SLC36A1: variants seen among roughly 807,000 people sequenced by gnomAD.
SLC36A1 encodes the protein proton-coupled amino acid transporter 1.
Under a neutral mutation model 47.5 loss-of-function variants are expected in SLC36A1, and 30 were observed. The ratio of observed to expected loss-of-function variants is 0.63; its 90% CI spans 0.47 to 0.86. The LOEUF is 0.86. Ranked by LOEUF, SLC36A1 falls within the 40% of genes least tolerant of loss-of-function variation. SLC36A1 has a pLI of 0.00. For synonymous variants in SLC36A1, 255 were observed against 249.7 expected, an observed-to-expected ratio of 1.02 and a Z score of -0.20; for missense variants, 517 against 606.0, an observed-to-expected ratio of 0.85 and a Z score of 1.54.
the SLC36A1 span, among the ~76,000 whole-genome samples, chr5:151,394,109 C>G: frequency 6.6e-6 from 1 of 152,130 alleles, no homozygotes; most frequent in Admixed American, 6.6e-5. Flanking sequence ...TTTCCTTTTA[C>G]TCTTTTTTCT....
intron 10 of SLC36A1, among the ~76,000 whole-genome samples, chr5:151,481,680 C>T (rs1218746759): frequency 1.3e-5 from 2 of 151,836 alleles, no homozygotes; most frequent in Non-Finnish European, 2.9e-5. Flanking sequence ...TCTCACCACT[C>T]TCCCCCATCC....
intron 10 of SLC36A1, among the ~76,000 whole-genome samples, chr5:151,486,614 T>TGTG (rs1363191637): frequency 6.6e-6 from 1 of 152,232 alleles, no homozygotes; most frequent in African/African-American, 2.4e-5. Context: ...GTCTCACCAG[T>TGTG]GTGGTGCCTT....
chr5:151,531,869 C>T, the SLC36A1 span: 5 of 1,614,012 alleles, frequency 3.1e-6, no homozygotes, highest in Non-Finnish European at 4.2e-6. This position sits in a 1 kb window ranked among gnomAD's most constrained non-coding sequence, Gnocchi z 5.7. Flanking sequence ...TGGGGCCTGA[C>T]CTGCAGCGGC....
chr5:151,473,827 A>G, intron 8 of SLC36A1, 56 bp downstream of exon 8: 4 of 1,333,646 alleles, frequency 3.0e-6, no homozygotes, highest in Non-Finnish European at 4.3e-6. Context: ...GGTGTTCTCC[A>G]GGTCTGTTTC....
the SLC36A1 span, among the ~76,000 whole-genome samples, chr5:151,362,432 C>T: frequency 2.7e-5 from 4 of 150,146 alleles, no homozygotes; most frequent in Non-Finnish European, 4.4e-5. Context: ...ACTCTGCCTC[C>T]CAGGCTGGAG....
the SLC36A1 span, chr5:151,512,690 G>C: frequency 1.5e-6 from 2 of 1,301,746 alleles, no homozygotes; most frequent in Non-Finnish European, 2.1e-6. This position sits in a 1 kb window ranked among gnomAD's most constrained non-coding sequence, Gnocchi z 4.1. Flanking sequence ...AAAGAATGTT[G>C]TTTGTATTTT....
At chr5:151,414,870 C>T in the SLC36A1 span, 1 of 152,212 alleles carries the variant, frequency 6.6e-6, no homozygotes, top group Non-Finnish European at 1.5e-5. Flanking sequence ...CCTCACTTAT[C>T]TGATGCCCTC....
the SLC36A1 span, among the ~76,000 whole-genome samples, chr5:151,353,226 CTTAG>C: frequency 2.6e-5 from 4 of 152,020 alleles, no homozygotes; most frequent in East Asian, 1.9e-4. Flanking sequence ...ACTCATAGTA[CTTAG>C]TTAGAGGCAT....
chr5:151,481,382 A>G (rs1293667061), intron 10 of SLC36A1, among the ~76,000 whole-genome samples: 1 of 152,222 alleles, frequency 6.6e-6, no homozygotes, highest in African/African-American at 2.4e-5. Flanking sequence ...GGGACTCAGT[A>G]GAGGCCTTTC....
Position 151,491,185 on chromosome 5 carries a change from TGCAG to T in SLC36A1, c.*2935_*2938del, listed in dbSNP as rs1760086557. ...AGTGGGCAGTGCACCTCCTCCTAAA[TGCAG>T]GCACTTGCTAGGAAGAGTGTGAGCT... On this transcript the variant is annotated 3_prime_UTR_variant, in exon 11 of 11. Coordinates refer to ENST00000243389, the MANE Select transcript of SLC36A1 (RefSeq NM_078483.4). 1 of 152,642 alleles carries T rather than the reference TGCAG, an allele frequency of 6.6e-6. No individual in the cohort carries two copies. The highest frequency in any genetic ancestry group is 2.4e-5 in the African/African-American group (1 of 41,462). The allele number at this position is 152,642 out of a possible 1,614,324, so 9.5% of individuals were successfully genotyped here. A position where few individuals can be genotyped will look rare whatever the true frequency, so the allele number is the denominator to read the frequency against.
chr5:151,396,941 T>C, the SLC36A1 span, among the ~76,000 whole-genome samples: 75,436 of 152,042 alleles, frequency 0.5, 20,713 homozygotes, highest in African/African-American at 0.75. Flanking sequence ...CACTCTTAAG[T>C]ATTCTGTAAG....
chr5:151,380,276 G>A, the SLC36A1 span: 8 of 245,674 alleles, frequency 3.3e-5, no homozygotes, highest in Admixed American at 3.3e-4. Flanking sequence ...CCTGAGGTCC[G>A]GAGTTCGAGA....
rs1211287889 is a variant in SLC36A1 at position 151,467,224 on chromosome 5, G to A, written c.445G>A (p.Val149Ile). The change falls in exon 6 of 11, where the codon GTC (valine) becomes ATC (isoleucine). Residue 149 changes from valine (V) to isoleucine (I), a missense_variant. Coordinates refer to ENST00000243389, the MANE Select transcript of SLC36A1 (RefSeq NM_078483.4). ...GRRVVDFFLIVTQLGFCCVYF... is the reference protein window; with the variant it reads ...GRRVVDFFLIITQLGFCCVYF... ...ACGTGTTGTGGACTTCTTCCTGATT[G>A]TCACCCAGCTGGGATTCTGCTGTGT... The A allele has an allele frequency of 3.7e-6, 6 of 1,611,566 alleles. No individual in the cohort carries two copies. Among genetic ancestry groups the A allele is most frequent in the African/African-American group, 1.3e-5 (1 of 74,346 alleles).
chr5:151,534,965 A>T, the SLC36A1 span, among the ~76,000 whole-genome samples: 1 of 107,106 alleles, frequency 9.3e-6, no homozygotes, highest in African/African-American at 3.6e-5. Context: ...TTCCACTTCT[A>T]GGAAAATATA....
chr5:151,531,763 T>C, the SLC36A1 span: 2 of 1,585,556 alleles, frequency 1.3e-6, no homozygotes, highest in African/African-American at 1.5e-5. This position sits in a 1 kb window ranked among gnomAD's most constrained non-coding sequence, Gnocchi z 5.7. Context: ...CAGGTAGTCT[T>C]CTAGGCCCAC....
At chr5:151,515,717 C>G in the SLC36A1 span, among the ~76,000 whole-genome samples, 1 of 152,206 alleles carries the variant, frequency 6.6e-6, no homozygotes, top group Admixed American at 6.5e-5. Flanking sequence ...TCCAATTCCT[C>G]TGTCATCACC....
chr5:151,499,661 A>G, the SLC36A1 span, among the ~76,000 whole-genome samples: 1 of 152,102 alleles, frequency 6.6e-6, no homozygotes, highest in African/African-American at 2.4e-5. Context: ...GCCTCCCTCC[A>G]GAGCACTGCC....
chr5:151,540,086 G>T, the SLC36A1 span, among the ~76,000 whole-genome samples: 1 of 152,334 alleles, frequency 6.6e-6, no homozygotes, highest in Non-Finnish European at 1.5e-5. Context: ...TTGCCCATTG[G>T]GCATGGCTGG....
chr5:151,465,945 T>A (rs1379462397), intron 5 of SLC36A1, among the ~76,000 whole-genome samples: 1 of 146,952 alleles, frequency 6.8e-6, no homozygotes, highest in Non-Finnish European at 1.5e-5. Context: ...TAAAAATTCT[T>A]AAAAAAAAAA....
Sources: allele counts gnomAD v4.1 joint callset (sites outside exome capture counted in the v4.1 genomes callset), GRCh38; gene constraint gnomAD v4.1.1; non-coding constraint Gnocchi (gnomAD v3.1); transcripts MANE v1.5; gene names NCBI Gene and HGNC (gene_info 2026-07-23, HGNC 2026-07-21).